Variants in SLCO1B3 observed in about 807,000 individuals in gnomAD.
SLCO1B3 encodes the protein solute carrier organic anion transporter family member 1B3, also known as liver-specific organic anion transporter 2.
In SLCO1B3, 72 loss-of-function variants were observed where a neutral mutation model predicts 71.8. The ratio of observed to expected loss-of-function variants is 1.00; its 90% CI spans 0.83 to 1.22. The LOEUF (loss-of-function observed/expected upper bound fraction) is 1.22, where lower values mean the gene tolerates loss of function less well. Among genes scored for constraint, SLCO1B3 ranks in the 50% most tolerant of loss-of-function variants. The pLI is 0.00. For synonymous variants in SLCO1B3, 298 were observed against 278.4 expected (o/e 1.07, Z -0.70); for missense variants, 911 against 819.7 (o/e 1.11, Z -1.36).
At chr12:20,856,535 G>T (rs1287185987) in intron 4 of SLCO1B3, among the ~76,000 whole-genome samples, 1 of 152,108 alleles carries the variant, frequency 6.6e-6, no homozygotes, top group Non-Finnish European at 1.5e-5. Flanking sequence ...ATGTTGATAG[G>T]TTTTATGAAA....
intron 15 of SLCO1B3, among the ~76,000 whole-genome samples, chr12:20,905,939 A>G (rs1378433432): frequency 2.0e-5 from 3 of 152,294 alleles, no homozygotes; most frequent in African/African-American, 2.4e-5. Flanking sequence ...ACTTACAGTC[A>G]TGGTGGAAGG....
rs1448250779 is a variant in SLCO1B3, at chr12:20,858,461, TG to T, written c.250del (p.Val84Ter). On this transcript the variant is annotated frameshift_variant, in exon 5 of 16. Coordinates refer to ENST00000381545, the MANE Select transcript of SLCO1B3 (RefSeq NM_019844.4). LOFTEE classifies it high-confidence loss of function. ...TAGGAAATTTGCTTGTGATTGTATT[TG>T]TAAGTTACTTTGGATCTAAACTACA... ...EIGNLLVIVFVSYFGSKLHRP... is the reference protein window; with the variant it reads ...EIGNLLVIVFXSYFGSKLHRP... 6.3e-7 allele frequency: 1 copy of T among 1,591,610 alleles called. No individual in the cohort carries two copies. The highest frequency in any genetic ancestry group is 8.6e-7 in the Non-Finnish European group (1 of 1,159,786).
rs57585902 is a variant in SLCO1B3 at position 20,861,096 on chromosome 12, A to T, written c.439A>T (p.Thr147Ser). Residue 147 changes from threonine to serine, a missense_variant, in exon 6 of 16, where the codon ACC becomes TCC. Coordinates refer to ENST00000381545, the MANE Select transcript of SLCO1B3 (RefSeq NM_019844.4). ...TTTATCAACCTGTTTAATTAATCAA[A>T]CCTTATCATTCAATGGAACATCACC... Reference protein sequence around the residue: ...SSLSTCLINQTLSFNGTSPEI... With the variant: ...SSLSTCLINQSLSFNGTSPEI... 1 of 1,602,592 alleles carries T rather than the reference A, an allele frequency of 6.2e-7. No individual in the cohort carries two copies. Among genetic ancestry groups the T allele is most frequent in the Non-Finnish European group, 8.5e-7 (1 of 1,174,048 alleles).
intron 3 of SLCO1B3, among the ~76,000 whole-genome samples, chr12:20,818,456 G>A (rs1264306482): frequency 1.3e-5 from 2 of 151,484 alleles, no homozygotes; most frequent in African/African-American, 4.8e-5. Context: ...TACCTATCTA[G>A]TGAAAGTGTC....
chr12:20,831,409 A>G (rs1442927831), intron 3 of SLCO1B3, among the ~76,000 whole-genome samples: 1 of 151,666 alleles, frequency 6.6e-6, no homozygotes, highest in Admixed American at 6.6e-5. Flanking sequence ...TAAGGTTAAC[A>G]TCATCGAAAC....
intron 3 of SLCO1B3, among the ~76,000 whole-genome samples, chr12:20,852,322 A>G (rs534046070): frequency 1.1e-4 from 17 of 152,090 alleles, no homozygotes; most frequent in Non-Finnish European, 1.6e-4. Context: ...ATCTTTAAAA[A>G]AAAGTAATTA....
At chr12:20,875,133 C>T in intron 8 of SLCO1B3, 102 bp from the exon 9 acceptor site, 1 of 1,358,668 alleles carries the variant, frequency 7.4e-7, no homozygotes, top group Non-Finnish European at 1.0e-6. Flanking sequence ...ATTTGGTTTA[C>T]TTTCTTCATC....
rs754356216 is a variant in SLCO1B3, at chr12:20,875,397, A to G, written c.890A>G (p.His297Arg). 6.2e-7 allele frequency: 1 copy of G among 1,610,522 alleles called. No individual in the cohort carries two copies. Among genetic ancestry groups the G allele is most frequent in the South Asian group, 1.1e-5 (1 of 90,100 alleles). ...GAAAGAAAAATTTCACTATCATTGC[A>G]TGTGCTGAAAACAAATGATGATAGA... ...QKERKISLSL[H>R]VLKTNDDRNQ... The change falls in exon 9 of 16, where the codon CAT becomes CGT. Residue 297 changes from histidine (H) to arginine (R), a missense_variant. Transcript: ENST00000381545.
Position 20,916,000 on chromosome 12 carries a change from A to G in SLCO1B3, c.1866-4A>G, listed in dbSNP as rs2120484936. On this transcript the variant is annotated splice_polypyrimidine_tract_variant and splice_region_variant and intron_variant, in intron 15 of 15. Coordinates refer to ENST00000381545, the MANE Select transcript of SLCO1B3 (RefSeq NM_019844.4). Reference sequence around the variant, plus strand: ...AATCGACTCTCTATTTTCTCTTTTCACAGAAGGGTCTACTTGGGCTTATCT... The same window carrying G: ...AATCGACTCTCTATTTTCTCTTTTCGCAGAAGGGTCTACTTGGGCTTATCT... The G allele has an allele frequency of 9.5e-6, 15 of 1,582,370 alleles. No homozygotes were observed. The highest frequency in any genetic ancestry group is 1.3e-5 in the Non-Finnish European group (15 of 1,162,748).
In SLCO1B3 at chr12:20,880,898, T is replaced by G. The variant is rs751626701; in HGVS notation, c.1375T>G (p.Cys459Gly). The G allele has an allele frequency of 1.2e-6, 2 of 1,610,874 alleles. No individual in the cohort carries two copies. Among genetic ancestry groups the G allele is most frequent in the Non-Finnish European group, 1.7e-6 (2 of 1,177,314 alleles). Residue 459 changes from cysteine (C) to glycine (G), a missense_variant, in exon 12 of 16, where the codon TGC becomes GGC. Physicochemically the swap from Cys to Gly is radical, Grantham distance 159 (BLOSUM62 -3). Coordinates refer to ENST00000381545, the MANE Select transcript of SLCO1B3 (RefSeq NM_019844.4). Reference sequence around the variant, plus strand: ...TCATGTAGATGTACCACTTTCTTATTGCAACTCAGAGTGCAATTGTGATGA... The same window carrying G: ...TCATGTAGATGTACCACTTTCTTATGGCAACTCAGAGTGCAATTGTGATGA... The part of the protein sequence containing the change: ...ASHVDVPLSY[C>G]NSECNCDESQ...
At chr12:20,835,034 G>C (rs1175529299) in intron 3 of SLCO1B3, among the ~76,000 whole-genome samples, 1 of 152,140 alleles carries the variant, frequency 6.6e-6, no homozygotes, top group East Asian at 1.9e-4. Flanking sequence ...TTCACTTCTT[G>C]ACTTCTGTGC....
At chr12:20,849,466 A>G (rs963044914) in intron 3 of SLCO1B3, among the ~76,000 whole-genome samples, 8 of 152,132 alleles carry the variant, frequency 5.3e-5, no homozygotes, top group African/African-American at 1.9e-4. Flanking sequence ...TGAAAGACTG[A>G]AAGTTTTGTC....
At chr12:20,901,855 G>C (rs1312011985) in intron 15 of SLCO1B3, 1 of 425,810 alleles carries the variant, frequency 2.3e-6, no homozygotes, top group Non-Finnish European at 4.6e-6. Flanking sequence ...TGGTAATTGA[G>C]GAAAGAAATG....
At chr12:20,831,421 A>G (rs1864539883) in intron 3 of SLCO1B3, among the ~76,000 whole-genome samples, 1 of 151,678 alleles carries the variant, frequency 6.6e-6, no homozygotes. Context: ...CATCGAAACC[A>G]TTGCTAAATT....
Position 20,862,852 on chromosome 12 carries a change from T to A in SLCO1B3, c.725T>A (p.Leu242Gln). Residue 242 changes from leucine (L) to glutamine (Q), a missense_variant and splice_region_variant, in exon 8 of 16, where the codon CTG (leucine) becomes CAG (glutamine). By Grantham distance (113) the Leu-to-Gln change is moderately radical (BLOSUM62 -2). Transcript: ENST00000381545. The part of the protein sequence containing the change: ...KMYVDIGYVD[L>Q]STIRITPKDS... ...TACGTGGATATTGGATATGTAGATC[T>A]GAGTAAGTACAATTAGAACAAGGTA... is the stretch of plus-strand genomic sequence containing the variant. 3 of 1,541,598 alleles carry A rather than the reference T, an allele frequency of 1.9e-6. No homozygotes were observed. The highest frequency in any genetic ancestry group is 2.7e-6 in the Non-Finnish European group (3 of 1,114,548).
At chr12:20,822,775 C>A (rs942301516) in intron 3 of SLCO1B3, among the ~76,000 whole-genome samples, 1 of 152,114 alleles carries the variant, frequency 6.6e-6, no homozygotes, top group Non-Finnish European at 1.5e-5. Flanking sequence ...AATATTTAAC[C>A]TTTTATCTGT....
intron 3 of SLCO1B3, among the ~76,000 whole-genome samples, chr12:20,830,739 G>A (rs1180072971): frequency 1.3e-5 from 2 of 152,130 alleles, no homozygotes; most frequent in South Asian, 2.1e-4. Context: ...AGGGAACATA[G>A]AGTTTGTTTG....
intron 8 of SLCO1B3, among the ~76,000 whole-genome samples, chr12:20,868,708 A>G: frequency 6.6e-6 from 1 of 152,098 alleles, no homozygotes; most frequent in East Asian, 1.9e-4. Flanking sequence ...CACTACCACC[A>G]ATGCACAGAG....
intron 12 of SLCO1B3, 90 bp downstream of exon 12, chr12:20,881,110 G>C (rs1409266817): frequency 1.1e-6 from 1 of 913,658 alleles, no homozygotes; most frequent in South Asian, 2.0e-5. Context: ...CTATAACTAA[G>C]GTCTCCAATA....
Sources: gnomAD v4.1 joint callset for allele counts (sites outside exome capture counted in the v4.1 genomes callset) on GRCh38, gnomAD v4.1.1 for gene constraint, MANE v1.5 for transcripts, NCBI Gene and HGNC (gene_info 2026-07-23, HGNC 2026-07-21) for gene names.